The following CDC42EP4 variants were observed in gnomAD, a reference collection of about 807,000 sequenced individuals.
The protein encoded by CDC42EP4 is CDC42 effector protein (Rho GTPase binding) 4.
A neutral mutation model predicts 5.6 loss-of-function variants in CDC42EP4; 6 were observed. The ratio of observed to expected loss-of-function variants is 1.07; its 90% CI spans 0.59 to 2.12. CDC42EP4 has a LOEUF of 2.12. CDC42EP4 is among the 30% of genes most tolerant of loss of function. CDC42EP4 has a pLI of 0.00. For synonymous variants in CDC42EP4, 230 were observed against 224.2 expected (o/e 1.03, Z -0.23); for missense variants, 490 against 508.6 (o/e 0.96, Z 0.35).
intron 1 of CDC42EP4, among the ~76,000 whole-genome samples, chr17:73,309,221 G>A (rs369692681): frequency 6.6e-5 from 10 of 151,726 alleles, no homozygotes; most frequent in South Asian, 2.1e-4. Context: ...GGTGGTGGGC[G>A]CCAGTAGTCC....
intron 1 of CDC42EP4, among the ~76,000 whole-genome samples, chr17:73,290,322 A>T (rs2062155645): frequency 6.6e-6 from 1 of 152,204 alleles, no homozygotes; most frequent in Admixed American, 6.5e-5. Context: ...ATTGCTGGTC[A>T]GTGACCACCG....
chr17:73,302,275 A>C (rs746253419), intron 1 of CDC42EP4, among the ~76,000 whole-genome samples: 5 of 152,118 alleles, frequency 3.3e-5, no homozygotes, highest in African/African-American at 9.7e-5. Flanking sequence ...ACTAATAATA[A>C]TTTTGCCTCC....
chr17:73,289,760 A>AGGGAGGGAGGAAGGGAGGGAGGAAGGGG (rs2062152109), intron 1 of CDC42EP4, among the ~76,000 whole-genome samples: 2 of 128,434 alleles, frequency 1.6e-5, no homozygotes, highest in Non-Finnish European at 3.3e-5. Context: ...GGAGGAAGGG[A>AGGGAGGGAGGAAGGGAGGGAGGAAGGGG]GGGGAAGGAA....
chr17:73,286,008 G>A lies in CDC42EP4; in HGVS notation c.493C>T (p.Arg165Cys), dbSNP rs147648768. 1.2e-6 allele frequency: 2 copies of A among 1,613,480 alleles called. No individual in the cohort carries two copies. Among genetic ancestry groups the A allele is most frequent in the Non-Finnish European group, 1.7e-6 (2 of 1,179,862 alleles). Residue 165 changes from arginine (R) to cysteine (C), a missense_variant, in exon 2 of 2, where the codon CGT becomes TGT. Transcript: ENST00000335793. This position sits in a 1 kb window ranked among gnomAD's most constrained non-coding sequence, Gnocchi z 7.7. ...TGTGGACCCGCGGCCCCATTCCGAC[G>A]GGGCACTGCCTCCTCCGTGCCCGCC... ...EEAGTEEAVPRRNGAAGPHSP... is the reference protein window; with the variant it reads ...EEAGTEEAVPCRNGAAGPHSP...
chr17:73,308,220 G>A (rs926637428), intron 1 of CDC42EP4, among the ~76,000 whole-genome samples: 1 of 152,122 alleles, frequency 6.6e-6, no homozygotes, highest in Non-Finnish European at 1.5e-5. Flanking sequence ...ACACTCTGCC[G>A]GATGACCCCT....
chr17:73,307,824 C>A (rs2062252559), intron 1 of CDC42EP4, among the ~76,000 whole-genome samples: 1 of 149,604 alleles, frequency 6.7e-6, no homozygotes, highest in Non-Finnish European at 1.5e-5. Context: ...GTACAGCAAC[C>A]TCCACCTCTT....
chr17:73,287,849 C>A (rs959903672), intron 1 of CDC42EP4, among the ~76,000 whole-genome samples: 1 of 152,196 alleles, frequency 6.6e-6, no homozygotes, highest in African/African-American at 2.4e-5. Context: ...CACCACACCC[C>A]ACCTGGCCCC....
intron 1 of CDC42EP4, among the ~76,000 whole-genome samples, chr17:73,287,603 C>T (rs912933647): frequency 2.6e-5 from 4 of 152,214 alleles, no homozygotes; most frequent in African/African-American, 9.6e-5. Flanking sequence ...CCTAGAGGGG[C>T]TTGCCCCAAA....
chr17:73,286,586 G>T lies in CDC42EP4; in HGVS notation c.-86C>A. The stretch of plus-strand genomic sequence containing the variant: ...CTGAAGTCCAAGTCCAGTGGGCAGA[G>T]GGGGACGCAATGAGGAGATCATAAG... On this transcript the variant is annotated 5_prime_UTR_variant, in exon 2 of 2. Coordinates refer to ENST00000335793, the MANE Select transcript of CDC42EP4 (RefSeq NM_012121.5). The surrounding 1 kb of genome is among the most constrained non-coding windows in gnomAD (Gnocchi z 7.7). 1 of 961,094 alleles carries T rather than the reference G, an allele frequency of 1.0e-6. No homozygotes were observed. Among genetic ancestry groups the T allele is most frequent in the Non-Finnish European group, 1.5e-6 (1 of 657,450 alleles). 59.5% of individuals were successfully genotyped at this position (961,094 alleles called of 1,614,324 possible).
chr17:73,286,368 C>T lies in CDC42EP4; in HGVS notation c.133G>A (p.Asp45Asn), dbSNP rs144567760. The change falls in exon 2 of 2, where the codon GAC becomes AAC. Residue 45 changes from aspartate (D) to asparagine (N), a missense_variant. Asp to Asn is a conservative substitution (Grantham distance 23). Transcript: ENST00000335793. The surrounding 1 kb of genome is among the most constrained non-coding windows in gnomAD (Gnocchi z 7.7). The part of the protein sequence containing the change: ...RHTMHVGRAG[D>N]AFGDTSFLNS... ...AGGAAGGAGGTGTCCCCAAAGGCGT[C>T]TCCGGCCCGGCCAACGTGCATGGTG... The T allele has an allele frequency of 6.2e-7, 1 of 1,613,986 alleles. No individual in the cohort carries two copies. Among genetic ancestry groups the T allele is most frequent in the African/African-American group, 1.3e-5 (1 of 74,954 alleles).
rs994073745 is a variant in CDC42EP4 at position 73,286,645 on chromosome 17, C to T, written c.-112-33G>A. 4 of 635,240 alleles carry T rather than the reference C, an allele frequency of 6.3e-6. No individual in the cohort carries two copies. The highest frequency in any genetic ancestry group is 1.1e-5 in the Non-Finnish European group (4 of 370,700). The allele number at this position is 635,240 out of a possible 1,614,324, so 39.4% of individuals were successfully genotyped here. A position where few individuals can be genotyped will look rare whatever the true frequency, so the allele number is the denominator to read the frequency against. On this transcript the variant is annotated intron_variant, in intron 1 of 1. Transcript: ENST00000335793. This position sits in a 1 kb window ranked among gnomAD's most constrained non-coding sequence, Gnocchi z 7.7. The stretch of plus-strand genomic sequence containing the variant: ...CAGAGAATGAGAGGCAAAGGATTAA[C>T]GCGGGCTGGCCACACGGCACAAAAG...
intron 1 of CDC42EP4, among the ~76,000 whole-genome samples, chr17:73,302,771 G>A (rs1037600941): frequency 2.0e-5 from 3 of 152,292 alleles, no homozygotes; most frequent in Non-Finnish European, 4.4e-5. Flanking sequence ...GGCCGGGCGC[G>A]GTGGCTCAAG....
In CDC42EP4 at chr17:73,285,759, T is replaced by G. The variant is rs1456167069; in HGVS notation, c.742A>C (p.Thr248Pro). 1 of 1,592,972 alleles carries G rather than the reference T, an allele frequency of 6.3e-7. No homozygotes were observed. Among genetic ancestry groups the G allele is most frequent in the Non-Finnish European group, 8.6e-7 (1 of 1,164,020 alleles). The change falls in exon 2 of 2, where the codon ACC (threonine) becomes CCC (proline). Residue 248 changes from threonine to proline, a missense_variant. Physicochemically the swap from Thr to Pro is conservative, Grantham distance 38. Transcript: ENST00000335793. The surrounding 1 kb of genome is among the most constrained non-coding windows in gnomAD (Gnocchi z 6.8). ...GCGTACGGGGGAGCCTGGGTGATGG[T>G]GCCAGCGGCGCCCTCATCGCCATGG... ...GYHGDEGAAG[T>P]ITQAPPYAVA...
chr17:73,287,182 G>A (rs2062139011), intron 1 of CDC42EP4, among the ~76,000 whole-genome samples: 1 of 152,208 alleles, frequency 6.6e-6, no homozygotes, highest in Non-Finnish European at 1.5e-5. Flanking sequence ...CCCCCTGCGT[G>A]GGCGGCACAG....
chr17:73,300,008 A>G (rs984004462), intron 1 of CDC42EP4, among the ~76,000 whole-genome samples: 2 of 152,148 alleles, frequency 1.3e-5, no homozygotes, highest in Non-Finnish European at 2.9e-5. Context: ...GATCAGCACA[A>G]GGCCTCACTT....
chr17:73,306,068 A>G (rs1281875807), intron 1 of CDC42EP4, among the ~76,000 whole-genome samples: 1 of 152,140 alleles, frequency 6.6e-6, no homozygotes, highest in Non-Finnish European at 1.5e-5. Flanking sequence ...ATGCCAGAAG[A>G]AGGAGCCTGG....
chr17:73,286,088 C>T lies in CDC42EP4; in HGVS notation c.413G>A (p.Ser138Asn), dbSNP rs1258407663. The T allele has an allele frequency of 1.2e-6, 2 of 1,614,024 alleles. No homozygotes were observed. The highest frequency in any genetic ancestry group is 1.1e-5 in the South Asian group (1 of 91,088). Residue 138 changes from serine to asparagine, a missense_variant, in exon 2 of 2, where the codon AGC becomes AAC. Physicochemically the swap from Ser to Asn is conservative, Grantham distance 46. Coordinates refer to ENST00000335793, the MANE Select transcript of CDC42EP4 (RefSeq NM_012121.5). This position sits in a 1 kb window ranked among gnomAD's most constrained non-coding sequence, Gnocchi z 7.7. ...CTTCTTCACGGGGCTGGATGACAGG[C>T]TCTTGGGCAGCTTACTGGTGCCCTT... is the stretch of plus-strand genomic sequence containing the variant. Reference protein sequence around the residue: ...AEKGTSKLPKSLSSSPVKKAN... With the variant: ...AEKGTSKLPKNLSSSPVKKAN...
At chr17:73,288,701 C>T (rs2062145832) in intron 1 of CDC42EP4, among the ~76,000 whole-genome samples, 3 of 152,314 alleles carry the variant, frequency 2.0e-5, no homozygotes, top group South Asian at 4.1e-4. Context: ...CTTCTGCCCA[C>T]AGCCTGGCTC....
intron 1 of CDC42EP4, among the ~76,000 whole-genome samples, chr17:73,295,537 G>A (rs2062180195): frequency 6.6e-6 from 1 of 152,176 alleles, no homozygotes; most frequent in Non-Finnish European, 1.5e-5. Flanking sequence ...GAGTCAAAAT[G>A]GTCCCAGGGT....
Sources: gnomAD v4.1 joint callset for allele counts (sites outside exome capture counted in the v4.1 genomes callset) on GRCh38, gnomAD v4.1.1 for gene constraint, Gnocchi (gnomAD v3.1) non-coding constraint, MANE v1.5 for transcripts, NCBI Gene and HGNC (gene_info 2026-07-23, HGNC 2026-07-21) for gene names.